FHIT: variants seen among roughly 807,000 people sequenced by gnomAD.
FHIT encodes fragile histidine triad diadenosine triphosphatase, also known as bis(5'-adenosyl)-triphosphatase.
FHIT carries 19 observed loss-of-function variants against 17.9 expected under a neutral mutation model. The observed-to-expected ratio is 1.06, with a 90% CI of 0.74 to 1.56. FHIT has a LOEUF of 1.56. Among genes scored for constraint, FHIT ranks in the 40% most tolerant of loss-of-function variants. FHIT has a pLI of 0.00. For synonymous variants in FHIT, 81 were observed against 69.7 expected, an observed-to-expected ratio of 1.16 and a Z score of -0.81; for missense variants, 248 against 189.2, an observed-to-expected ratio of 1.31 and a Z score of -1.82.
At chr3:60,912,719 T>C (rs782046764) in intron 3 of FHIT, 1 of 514,740 alleles carries the variant, frequency 1.9e-6, no homozygotes, top group Non-Finnish European at 3.9e-6. Context: ...CTTTACTAAC[T>C]AGCCCTTCCA....
chr3:61,007,601 C>T (rs1287575835), intron 3 of FHIT, among the ~76,000 whole-genome samples: 3 of 152,192 alleles, frequency 2.0e-5, no homozygotes, highest in Non-Finnish European at 4.4e-5. Flanking sequence ...TCAATAGTTA[C>T]AATGCTTTCT....
chr3:60,218,341 A>C (rs1703794991), intron 5 of FHIT, among the ~76,000 whole-genome samples: 1 of 152,200 alleles, frequency 6.6e-6, no homozygotes, highest in African/African-American at 2.4e-5. Flanking sequence ...CTACCTTAGA[A>C]AGAAAATGCT....
chr3:60,920,743 G>T (rs1248743456), intron 3 of FHIT, among the ~76,000 whole-genome samples: 1 of 151,990 alleles, frequency 6.6e-6, no homozygotes, highest in African/African-American at 2.4e-5. Context: ...CATGTTTAAA[G>T]AATTTAAATT....
In FHIT at chr3:61,200,220, C is replaced by A. The variant is rs375497549; in HGVS notation, c.-164+397G>T. Among the ~76,000 whole-genome samples, 5 of 152,236 alleles carry A rather than the reference C, an allele frequency of 3.3e-5. No individual in the cohort carries two copies. The East Asian group carries it at 7.7e-4, about 24-fold the overall frequency. ...ACTTTCACAATAAATTTCATTCAACCCAATTGAAATGCCACTCTGCATTTT... is the reference window on the plus strand; with the variant it reads ...ACTTTCACAATAAATTTCATTCAACACAATTGAAATGCCACTCTGCATTTT... On this transcript the variant is annotated intron_variant, in intron 2 of 9. Transcript: ENST00000492590.
intron 4 of FHIT, among the ~76,000 whole-genome samples, chr3:60,714,438 A>G (rs1415809374): frequency 2.0e-5 from 3 of 152,176 alleles, no homozygotes; most frequent in East Asian, 1.9e-4. Flanking sequence ...GGCCAGGGCA[A>G]TTAGGCAGGA....
chr3:60,386,807 G>A (rs1053340366), intron 5 of FHIT, among the ~76,000 whole-genome samples: 10 of 152,158 alleles, frequency 6.6e-5, no homozygotes, highest in African/African-American at 2.4e-4. Context: ...TGTGGTAGGT[G>A]CTGACCACTT....
chr3:61,017,295 A>G (rs933934378), intron 3 of FHIT, among the ~76,000 whole-genome samples: 6 of 152,184 alleles, frequency 3.9e-5, no homozygotes, highest in Non-Finnish European at 7.4e-5. Flanking sequence ...GTCTCAAAAT[A>G]AACAAATAAT....
intron 5 of FHIT, among the ~76,000 whole-genome samples, chr3:60,291,824 A>G (rs1707998167): frequency 6.6e-6 from 1 of 152,128 alleles, no homozygotes; most frequent in African/African-American, 2.4e-5. Flanking sequence ...ACATGGAAAG[A>G]GAGGAAAGAT....
intron 2 of FHIT, among the ~76,000 whole-genome samples, chr3:61,110,440 C>T (rs1399907808): frequency 6.6e-6 from 1 of 152,144 alleles, no homozygotes; most frequent in Non-Finnish European, 1.5e-5. Flanking sequence ...CACCTCCACC[C>T]TCTCCCTCTA....
intron 3 of FHIT, among the ~76,000 whole-genome samples, chr3:61,021,573 T>G (rs1575852419): frequency 8.6e-6 from 1 of 116,092 alleles, no homozygotes; most frequent in Admixed American, 1.2e-4. Context: ...CACTCCAGCC[T>G]GGGCGACAGA....
At chr3:60,920,015 C>A (rs1292168099) in intron 3 of FHIT, among the ~76,000 whole-genome samples, 1 of 148,256 alleles carries the variant, frequency 6.7e-6, no homozygotes, top group African/African-American at 2.5e-5. Context: ...GCCTGGGCGA[C>A]AGAGCGAGAC....
intron 5 of FHIT, among the ~76,000 whole-genome samples, chr3:60,178,181 A>G (rs1344197994): frequency 6.6e-6 from 1 of 152,186 alleles, no homozygotes; most frequent in Non-Finnish European, 1.5e-5. Context: ...TCAACTTCCA[A>G]TCCCCATGGG....
intron 5 of FHIT, among the ~76,000 whole-genome samples, chr3:60,438,656 C>T (rs1412861108): frequency 6.6e-6 from 1 of 152,146 alleles, no homozygotes; most frequent in Non-Finnish European, 1.5e-5. Flanking sequence ...TAAATAACAA[C>T]TTGACAGTTC....
At chr3:60,056,922 A>G (rs367564516) in intron 5 of FHIT, among the ~76,000 whole-genome samples, 35 of 152,236 alleles carry the variant, frequency 2.3e-4, no homozygotes, top group African/African-American at 7.9e-4. Flanking sequence ...ATGGAGCGGT[A>G]ATGGTCCCAG....
At chr3:60,831,596 A>G (rs1385555858) in intron 3 of FHIT, among the ~76,000 whole-genome samples, 1 of 150,208 alleles carries the variant, frequency 6.7e-6, no homozygotes, top group African/African-American at 2.5e-5. Flanking sequence ...CTTCAGACTT[A>G]GTTCATATTT....
intron 5 of FHIT, among the ~76,000 whole-genome samples, chr3:60,229,188 G>C (rs1487293929): frequency 6.6e-6 from 1 of 152,084 alleles, no homozygotes; most frequent in Admixed American, 6.6e-5. Flanking sequence ...AGGCTAAGGT[G>C]GGCAGATTAC....
At chr3:59,861,157 G>A (rs1324015134) in intron 8 of FHIT, among the ~76,000 whole-genome samples, 4 of 152,144 alleles carry the variant, frequency 2.6e-5, no homozygotes, top group Non-Finnish European at 5.9e-5. Flanking sequence ...AAGCATGGGT[G>A]GTGGTATATA....
chr3:60,111,629 G>A (rs1704675445), intron 5 of FHIT, among the ~76,000 whole-genome samples: 1 of 152,148 alleles, frequency 6.6e-6, no homozygotes, highest in South Asian at 2.1e-4. Context: ...GCTGTCCTTT[G>A]CTACTGTAAA....
At position 60,872,025 on chromosome 3, in the gene FHIT, G is replaced by T. The variant is rs1553755141; in HGVS notation, c.-110-50014C>A. The stretch of plus-strand genomic sequence containing the variant: ...ACAAATGGAGTTCAACTGATAAAAA[G>T]AAACCTCTGTAATATGAGCAGGTGA... On this transcript the variant is annotated intron_variant, in intron 3 of 9. Coordinates refer to ENST00000492590, the MANE Select transcript of FHIT (RefSeq NM_002012.4). Among the ~76,000 whole-genome samples the T allele has an allele frequency of 2.6e-5, 4 of 151,946 alleles. No homozygotes were observed. The South Asian group carries it at 8.3e-4, about 32-fold the overall frequency.
Sources: gnomAD v4.1 joint callset for allele counts (sites outside exome capture counted in the v4.1 genomes callset) on GRCh38, gnomAD v4.1.1 for gene constraint, MANE v1.5 for transcripts, NCBI Gene and HGNC (gene_info 2026-07-23, HGNC 2026-07-21) for gene names.